The following GRID2 variants were observed in gnomAD, a reference collection of about 807,000 sequenced individuals.
The protein encoded by GRID2 is glutamate ionotropic receptor delta type subunit 2.
In GRID2, 33 loss-of-function variants were observed where a neutral mutation model predicts 114.8. The ratio of observed to expected loss-of-function variants is 0.29; its 90% CI spans 0.22 to 0.38. The LOEUF (loss-of-function observed/expected upper bound fraction) is 0.38. GRID2 is among the 10% of genes least tolerant of loss of function. The probability of loss-of-function intolerance (pLI) is 1.00; values close to 1 mark genes in which losing one functional copy is unlikely to be tolerated. For missense variants in GRID2, 1,184 were observed against 1,257.7 expected (o/e 0.94, Z 0.89); for synonymous variants, 505 against 449.9 (o/e 1.12, Z -1.55).
rs1378195643 is a variant in GRID2 at position 92,752,120 on chromosome 4, G to A, written c.244+161834G>A. ...CGTTCTCTGAAGGATTCTGAGAGAAGTGGTGAATACAGAGCCAGATTTACA... is the reference window on the plus strand; with the variant it reads ...CGTTCTCTGAAGGATTCTGAGAGAAATGGTGAATACAGAGCCAGATTTACA... On this transcript the variant is annotated intron_variant, in intron 2 of 15. Coordinates refer to ENST00000282020, the MANE Select transcript of GRID2 (RefSeq NM_001510.4). 2.6e-5 allele frequency among the ~76,000 whole-genome samples: 4 copies of A among 152,210 alleles called. No individual in the cohort carries two copies. In the East Asian group the frequency reaches 7.7e-4, roughly 29 times the overall value.
At chr4:93,718,730 C>T (rs1276420003) in intron 14 of GRID2, among the ~76,000 whole-genome samples, 2 of 151,856 alleles carry the variant, frequency 1.3e-5, no homozygotes, top group East Asian at 1.9e-4. Flanking sequence ...AAAAAAAATC[C>T]GTAGGAATCA....
intron 13 of GRID2, among the ~76,000 whole-genome samples, chr4:93,601,486 A>AT (rs1739680913): frequency 1.3e-5 from 2 of 152,184 alleles, no homozygotes; most frequent in South Asian, 2.1e-4. Context: ...AATGAGGGGC[A>AT]TTTTAACTAA....
chr4:93,521,144 T>C (rs988215994), intron 13 of GRID2, among the ~76,000 whole-genome samples: 1 of 151,974 alleles, frequency 6.6e-6, no homozygotes, highest in African/African-American at 2.4e-5. Flanking sequence ...CTTACGTAGG[T>C]GGAGGGATGG....
At chr4:92,774,158 A>G (rs752513872) in intron 2 of GRID2, among the ~76,000 whole-genome samples, 2 of 152,166 alleles carry the variant, frequency 1.3e-5, no homozygotes, top group African/African-American at 4.8e-5. Flanking sequence ...AAGTAAGAGT[A>G]TAAGACCTCA....
intron 2 of GRID2, among the ~76,000 whole-genome samples, chr4:92,687,026 A>G (rs903195656): frequency 1.3e-5 from 2 of 152,100 alleles, no homozygotes; most frequent in African/African-American, 4.8e-5. Context: ...TATTTATTTC[A>G]TGTAAGGCTG....
chr4:92,457,408 C>A (rs2149084403), intron 1 of GRID2, among the ~76,000 whole-genome samples: 1 of 152,120 alleles, frequency 6.6e-6, no homozygotes, highest in South Asian at 2.1e-4. Context: ...TAGTACCTTG[C>A]ATAGTAATTA....
chr4:92,393,865 T>C (rs1012880216), intron 1 of GRID2, among the ~76,000 whole-genome samples: 1 of 152,196 alleles, frequency 6.6e-6, no homozygotes, highest in Non-Finnish European at 1.5e-5. Flanking sequence ...CAGTTACATA[T>C]ATTTCTATCA....
chr4:92,444,177 C>T (rs2149071212), intron 1 of GRID2, among the ~76,000 whole-genome samples: 1 of 152,254 alleles, frequency 6.6e-6, no homozygotes, highest in South Asian at 2.1e-4. Context: ...AAGGGAGGTC[C>T]CCCGATCCGA....
intron 1 of GRID2, among the ~76,000 whole-genome samples, chr4:92,465,681 C>A (rs959313940): frequency 6.6e-6 from 1 of 152,008 alleles, no homozygotes; most frequent in African/African-American, 2.4e-5. Flanking sequence ...AACATCATCT[C>A]ATTTGTTTGA....
chr4:92,590,470 T>C (rs1039545589), intron 2 of GRID2, among the ~76,000 whole-genome samples, 184 bp downstream of exon 2: 25 of 152,180 alleles, frequency 1.6e-4, no homozygotes, highest in Non-Finnish European at 2.1e-4. Flanking sequence ...AAGGGCAGAA[T>C]GTGGAAAGTT....
chr4:93,139,131 G>A (rs1443549146), intron 4 of GRID2, among the ~76,000 whole-genome samples: 1 of 152,180 alleles, frequency 6.6e-6, no homozygotes, highest in Non-Finnish European at 1.5e-5. Context: ...GTTTACAAAA[G>A]TTTGGGCAGG....
At chr4:93,516,509 G>C (rs762667862) in intron 13 of GRID2, among the ~76,000 whole-genome samples, 8 of 152,090 alleles carry the variant, frequency 5.3e-5, no homozygotes, top group Non-Finnish European at 7.4e-5. Context: ...ATGTCCTGGA[G>C]ATGTTAGCAA....
At chr4:92,694,965 T>G (rs1734354612) in intron 2 of GRID2, among the ~76,000 whole-genome samples, 1 of 151,298 alleles carries the variant, frequency 6.6e-6, no homozygotes, top group African/African-American at 2.4e-5. Flanking sequence ...TTTATCAGAT[T>G]TCATTTTGTT....
intron 1 of GRID2, among the ~76,000 whole-genome samples, chr4:92,325,562 T>A (rs1397502386): frequency 1.3e-5 from 2 of 151,896 alleles, no homozygotes; most frequent in Non-Finnish European, 2.9e-5. Context: ...AAACTGCCTA[T>A]GAATATATGA....
intron 13 of GRID2, among the ~76,000 whole-genome samples, chr4:93,605,752 C>T (rs1467055765): frequency 6.6e-6 from 1 of 152,040 alleles, no homozygotes. Context: ...CAGTTCCAGC[C>T]TACCAGAAGT....
chr4:92,806,789 A>C (rs1380054984), intron 2 of GRID2, among the ~76,000 whole-genome samples: 2 of 151,990 alleles, frequency 1.3e-5, no homozygotes, highest in Non-Finnish European at 2.9e-5. Context: ...TTTGCAGATA[A>C]GAAAACAAAA....
intron 13 of GRID2, among the ~76,000 whole-genome samples, chr4:93,596,417 A>G (rs1739094681): frequency 6.6e-6 from 1 of 152,064 alleles, no homozygotes; most frequent in Non-Finnish European, 1.5e-5. Context: ...TCTCTACTAC[A>G]AATACAAAAA....
intron 1 of GRID2, among the ~76,000 whole-genome samples, chr4:92,461,461 A>G (rs1474847855): frequency 6.6e-6 from 1 of 152,014 alleles, no homozygotes; most frequent in Non-Finnish European, 1.5e-5. Flanking sequence ...TTTTCTAGCC[A>G]AAAACTCTAA....
chr4:92,651,602 A>G (rs1254193087), intron 2 of GRID2, among the ~76,000 whole-genome samples: 2 of 152,130 alleles, frequency 1.3e-5, no homozygotes, highest in Non-Finnish European at 2.9e-5. Flanking sequence ...AGGTCAGTCC[A>G]CATACTTCCT....
Sources: allele counts gnomAD v4.1 joint callset (sites outside exome capture counted in the v4.1 genomes callset), GRCh38; gene constraint gnomAD v4.1.1; transcripts MANE v1.5; gene names NCBI Gene and HGNC (gene_info 2026-07-23, HGNC 2026-07-21).